FBXL7: variants seen among roughly 807,000 people sequenced by gnomAD.
FBXL7 encodes the protein F-box and leucine rich repeat protein 7.
In FBXL7, 12 loss-of-function variants were observed where a neutral mutation model predicts 38.3. That is an observed-to-expected ratio of 0.31 (90% confidence interval 0.20 to 0.51). The LOEUF is 0.51. Ranked by LOEUF, FBXL7 falls within the 20% of genes least tolerant of loss-of-function variation. The probability of loss-of-function intolerance (pLI) is 0.98; values close to 1 mark genes in which losing one functional copy is unlikely to be tolerated. For missense variants in FBXL7, 567 were observed against 676.4 expected, an observed-to-expected ratio of 0.84 and a Z score of 1.79; for synonymous variants, 297 against 300.9, an observed-to-expected ratio of 0.99 and a Z score of 0.13.
At chr5:15,873,310 G>A (rs779031893) in intron 2 of FBXL7, among the ~76,000 whole-genome samples, 2 of 152,038 alleles carry the variant, frequency 1.3e-5, no homozygotes, top group African/African-American at 4.8e-5. Flanking sequence ...GGAGAAAGCG[G>A]GAAAGATCTA....
chr5:15,570,693 G>A (rs1214344923), intron 1 of FBXL7, among the ~76,000 whole-genome samples: 4 of 152,188 alleles, frequency 2.6e-5, no homozygotes, highest in Non-Finnish European at 5.9e-5. Flanking sequence ...CTTCCAGGGT[G>A]GTTTCCTGCA....
chr5:15,541,895 C>A (rs1421177837), intron 1 of FBXL7, among the ~76,000 whole-genome samples: 1 of 152,016 alleles, frequency 6.6e-6, no homozygotes, highest in Non-Finnish European at 1.5e-5. Flanking sequence ...GTTTACCTTA[C>A]TTAACCCCTG....
intron 1 of FBXL7, among the ~76,000 whole-genome samples, chr5:15,575,340 CTTTG>C (rs776709125): frequency 6.6e-6 from 1 of 152,074 alleles, no homozygotes; most frequent in Non-Finnish European, 1.5e-5. Context: ...TGTTTGCTTG[CTTTG>C]TTTTTTTCCT....
intron 2 of FBXL7, among the ~76,000 whole-genome samples, chr5:15,682,433 C>T (rs1742871464): frequency 6.6e-6 from 1 of 152,170 alleles, no homozygotes; most frequent in Non-Finnish European, 1.5e-5. Context: ...CTACCACTTC[C>T]ACCTAACATA....
At chr5:15,534,291 A>G (rs1193040129) in intron 1 of FBXL7, among the ~76,000 whole-genome samples, 1 of 152,186 alleles carries the variant, frequency 6.6e-6, no homozygotes, top group Non-Finnish European at 1.5e-5. Flanking sequence ...CCTGCAGAAT[A>G]GTTTCCCTGC....
At chr5:15,638,215 C>G (rs1156511070) in intron 2 of FBXL7, among the ~76,000 whole-genome samples, 2 of 152,308 alleles carry the variant, frequency 1.3e-5, no homozygotes, top group African/African-American at 4.8e-5. Flanking sequence ...CGAGGGGGAT[C>G]TTGTAGAGGC....
intron 1 of FBXL7, among the ~76,000 whole-genome samples, chr5:15,556,071 GTTTA>G (rs746365193): frequency 4.2e-4 from 60 of 141,362 alleles, no homozygotes; most frequent in Non-Finnish European, 7.1e-4. Context: ...ATCTTCATCT[GTTTA>G]TTATCTATCA....
intron 2 of FBXL7, among the ~76,000 whole-genome samples, chr5:15,707,968 T>C (rs566717846): frequency 8.5e-5 from 13 of 152,206 alleles, no homozygotes; most frequent in Admixed American, 3.3e-4. Flanking sequence ...TTCTATCCCA[T>C]CTTTATAAAA....
At position 15,915,178 on chromosome 5, in the gene FBXL7, C is replaced by T. The variant is rs555081618; in HGVS notation, c.128-12712C>T. 5.9e-5 allele frequency among the ~76,000 whole-genome samples: 9 copies of T among 152,246 alleles called. No homozygotes were observed. In the South Asian group the frequency reaches 8.3e-4, roughly 14 times the overall value. On this transcript the variant is annotated intron_variant, in intron 2 of 3. Coordinates refer to ENST00000504595, the MANE Select transcript of FBXL7 (RefSeq NM_012304.5). ...GGATTTTGTTCCCTGGGTAGTGTTC[C>T]GTACAATGCCTGGCATATAGTAAGC...
At chr5:15,610,138 T>A (rs1376418404) in intron 1 of FBXL7, among the ~76,000 whole-genome samples, 3 of 152,164 alleles carry the variant, frequency 2.0e-5, no homozygotes. Flanking sequence ...GATTCGGTTA[T>A]CTCCCACCAG....
chr5:15,651,792 A>G (rs969639519), intron 2 of FBXL7, among the ~76,000 whole-genome samples: 6 of 152,138 alleles, frequency 3.9e-5, no homozygotes, highest in Non-Finnish European at 5.9e-5. Flanking sequence ...AGCCTTTAAA[A>G]CTTAGAAGTT....
chr5:15,906,154 C>A (rs575917168), intron 2 of FBXL7, among the ~76,000 whole-genome samples: 1 of 151,798 alleles, frequency 6.6e-6, no homozygotes, highest in African/African-American at 2.4e-5. Context: ...TCCTTCCCTC[C>A]TGGTTCCAAA....
At chr5:15,854,803 CTGTTT>C (rs1466533701) in intron 2 of FBXL7, among the ~76,000 whole-genome samples, 1 of 152,070 alleles carries the variant, frequency 6.6e-6, no homozygotes, top group Non-Finnish European at 1.5e-5. Flanking sequence ...TAGTCAAGTT[CTGTTT>C]TGAGTGAGCA....
At chr5:15,516,595 C>T (rs1736942771) in intron 1 of FBXL7, among the ~76,000 whole-genome samples, 1 of 152,184 alleles carries the variant, frequency 6.6e-6, no homozygotes, top group African/African-American at 2.4e-5. Flanking sequence ...CAAATCTCAA[C>T]TTGAATTGTA....
chr5:15,528,664 C>T (rs1033625482), intron 1 of FBXL7, among the ~76,000 whole-genome samples: 4 of 152,198 alleles, frequency 2.6e-5, no homozygotes, highest in Non-Finnish European at 5.9e-5. Context: ...AATTACCTCC[C>T]ACTGGGTCCC....
intron 2 of FBXL7, among the ~76,000 whole-genome samples, chr5:15,725,778 G>A (rs1164946925): frequency 3.3e-5 from 5 of 152,096 alleles, no homozygotes; most frequent in African/African-American, 9.7e-5. Context: ...TGGGATTACA[G>A]GTGCTCACCA....
chr5:15,706,693 C>T (rs528345645), intron 2 of FBXL7, among the ~76,000 whole-genome samples: 3 of 152,200 alleles, frequency 2.0e-5, no homozygotes, highest in East Asian at 3.9e-4. Context: ...AACAAAAAAA[C>T]AAAAGAACAA....
At chr5:15,853,651 G>T (rs1181093617) in intron 2 of FBXL7, among the ~76,000 whole-genome samples, 1 of 152,136 alleles carries the variant, frequency 6.6e-6, no homozygotes, top group African/African-American at 2.4e-5. Context: ...CCCCAGGCAG[G>T]CAGGTGGATG....
At chr5:15,882,409 T>C (rs1740493291) in intron 2 of FBXL7, among the ~76,000 whole-genome samples, 2 of 152,152 alleles carry the variant, frequency 1.3e-5, no homozygotes, top group Non-Finnish European at 2.9e-5. Context: ...CATGTCAGGC[T>C]TTCTTGTGGG....
Sources: allele counts gnomAD v4.1 joint callset (sites outside exome capture counted in the v4.1 genomes callset), GRCh38; gene constraint gnomAD v4.1.1; transcripts MANE v1.5; gene names NCBI Gene and HGNC (gene_info 2026-07-23, HGNC 2026-07-21).